Variants in AFF4 observed in about 807,000 individuals in gnomAD.
AFF4 encodes the protein AF4/FMR2 family member 4.
Under a neutral mutation model 124.8 loss-of-function variants are expected in AFF4, and 13 were observed. The observed-to-expected ratio is 0.10, with a 90% confidence interval of 0.07 to 0.17. AFF4 has a LOEUF of 0.17. Ranked by LOEUF, AFF4 falls within the 10% of genes least tolerant of loss-of-function variation. The pLI, the probability that AFF4 is intolerant of heterozygous loss-of-function variation, is 1.00. For missense variants in AFF4, 1,092 were observed against 1,403.8 expected (o/e 0.78, Z 3.55); for synonymous variants, 477 against 496.1 (o/e 0.96, Z 0.51).
chr5:132,876,519 G>GT lies in AFF4; in HGVS notation c.*4539dup. The GT allele has an allele frequency of 4.6e-6, 1 of 215,444 alleles. No homozygotes were observed. The allele number at this position is 215,444 out of a possible 1,614,324, so 13.3% of individuals were successfully genotyped here. A position where few individuals can be genotyped will look rare whatever the true frequency, so the allele number is the denominator to read the frequency against. Reference sequence around the variant, plus strand: ...AGAATGGCAAGTTATGTTTAGCTGAGTAACAGTGGCAAGGAGAGGTCAATG... The same window carrying GT: ...AGAATGGCAAGTTATGTTTAGCTGAGTTAACAGTGGCAAGGAGAGGTCAATG... On this transcript the variant is annotated 3_prime_UTR_variant, in exon 21 of 21. Coordinates refer to ENST00000265343, the MANE Select transcript of AFF4 (RefSeq NM_014423.4).
rs1759890977 is a variant in AFF4 at position 132,878,372 on chromosome 5, T to C, written c.*2687A>G. 2 of 230,714 alleles carry C rather than the reference T, an allele frequency of 8.7e-6. No homozygotes were observed. The highest frequency in any genetic ancestry group is 3.6e-4 in the South Asian group (2 of 5,512). The allele number at this position is 230,714 out of a possible 1,614,324, so 14.3% of individuals were successfully genotyped here. On this transcript the variant is annotated 3_prime_UTR_variant, in exon 21 of 21. Coordinates refer to ENST00000265343, the MANE Select transcript of AFF4 (RefSeq NM_014423.4). Reference sequence around the variant, plus strand: ...GTAACTGTTTAAAATAGTTGTTGTTTCTATAATTAACCATATACTAAGTAC... The same window carrying C: ...GTAACTGTTTAAAATAGTTGTTGTTCCTATAATTAACCATATACTAAGTAC...
At chr5:132,889,001 T>C in intron 14 of AFF4, 78 bp downstream of exon 14, 1 of 1,391,028 alleles carries the variant, frequency 7.2e-7, no homozygotes, top group African/African-American at 1.4e-5. Flanking sequence ...CGGCCAATGA[T>C]AGAAATGAAA....
intron 4 of AFF4, among the ~76,000 whole-genome samples, chr5:132,928,977 G>C (rs948441896): frequency 6.6e-6 from 1 of 152,078 alleles, no homozygotes; most frequent in African/African-American, 2.4e-5. Context: ...CAGCTCAAAG[G>C]CATAACATTA....
At position 132,918,111 on chromosome 5, in the gene AFF4, G is replaced by T. The variant is rs530971189; in HGVS notation, c.1050+9010C>A. 5.3e-5 allele frequency among the ~76,000 whole-genome samples: 8 copies of T among 152,090 alleles called. No individual in the cohort carries two copies. The Middle Eastern group carries it at 0.01, about 194-fold the overall frequency. ...TAATAGCACTAAAAAAATCAAACAG[G>T]GCCGGGTACTGTGGCTCATGCCTGT... On this transcript the variant is annotated intron_variant, in intron 5 of 20. Transcript: ENST00000265343.
chr5:132,883,276 A>G (rs891038447), intron 20 of AFF4, 64 bp downstream of exon 20: 3 of 1,472,828 alleles, frequency 2.0e-6, no homozygotes, highest in African/African-American at 2.8e-5. Flanking sequence ...CGCTTACTTA[A>G]CTAAATTATA....
At position 132,927,176 on chromosome 5, in the gene AFF4, G is replaced by T; in HGVS notation, c.995C>A (p.Thr332Lys). 1.2e-6 allele frequency: 2 copies of T among 1,611,158 alleles called. No homozygotes were observed. The highest frequency in any genetic ancestry group is 1.7e-6 in the Non-Finnish European group (2 of 1,179,080). ...TGTTTTGCATGGTGTATGAATAGCC[G>T]TTAGAGGGGGAGGCCATGAATGCGT... Reference protein sequence around the residue: ...EMTHSWPPPLTAIHTPCKTEP... With the variant: ...EMTHSWPPPLKAIHTPCKTEP... Residue 332 changes from threonine to lysine, a missense_variant, in exon 5 of 21, where the codon ACG (threonine) becomes AAG (lysine). This residue lies in a region of AFF4 where 148 missense variants were observed against 196.3 expected (regional missense o/e 0.75). Transcript: ENST00000265343.
At chr5:132,927,369 A>G in intron 4 of AFF4, 162 bp from the exon 5 acceptor site, 1 of 580,792 alleles carries the variant, frequency 1.7e-6, no homozygotes, top group Non-Finnish European at 3.0e-6. Context: ...GCTAGGCACT[A>G]TGGTGTAGGT....
At position 132,934,623 on chromosome 5, in the gene AFF4, C is replaced by T. The variant is rs375148631; in HGVS notation, c.442G>A (p.Gly148Ser). Reference protein sequence around the residue: ...AGSSSGTNSSGQRHDRESYNN... With the variant: ...AGSSSGTNSSSQRHDRESYNN... ...TATGACTCACGGTCGTGCCTCTGACCACTACTGTTAGTGCCACTACTGCTA... is the reference window on the plus strand; with the variant it reads ...TATGACTCACGGTCGTGCCTCTGACTACTACTGTTAGTGCCACTACTGCTA... The change falls in exon 3 of 21, where the codon GGT (glycine) becomes AGT (serine). Residue 148 changes from glycine to serine, a missense_variant. Physicochemically the swap from Gly to Ser is moderately conservative, Grantham distance 56 (BLOSUM62 0). Around this residue, in one of 11 missense-constraint regions of AFF4, gnomAD observed 188 missense variants for 203.0 expected, o/e 0.93. Transcript: ENST00000265343. 1.2e-6 allele frequency: 2 copies of T among 1,614,096 alleles called. No individual in the cohort carries two copies. Among genetic ancestry groups the T allele is most frequent in the Non-Finnish European group, 1.7e-6 (2 of 1,180,030 alleles).
At chr5:132,947,069 T>C (rs1761716619) in intron 1 of AFF4, among the ~76,000 whole-genome samples, 1 of 152,012 alleles carries the variant, frequency 6.6e-6, no homozygotes, top group Non-Finnish European at 1.5e-5. Context: ...ATTAAATAAG[T>C]ATATAAAACA....
rs1216676781 is a variant in AFF4 at position 132,878,878 on chromosome 5, T to C, written c.*2181A>G. 4.5e-6 allele frequency: 1 copy of C among 223,218 alleles called. No homozygotes were observed. The highest frequency in any genetic ancestry group is 2.2e-5 in the African/African-American group (1 of 44,768). 13.8% of individuals were successfully genotyped at this position (223,218 alleles called of 1,614,324 possible). A position where few individuals can be genotyped will look rare whatever the true frequency, so the allele number is the denominator to read the frequency against. ...TCCCACTGGCTGTTGTTGCTGAAAGTCTGAAAGCCCAGAGGATACTTTTTC... is the reference window on the plus strand; with the variant it reads ...TCCCACTGGCTGTTGTTGCTGAAAGCCTGAAAGCCCAGAGGATACTTTTTC... On this transcript the variant is annotated 3_prime_UTR_variant, in exon 21 of 21. Coordinates refer to ENST00000265343, the MANE Select transcript of AFF4 (RefSeq NM_014423.4).
At chr5:132,914,218 A>G (rs1168298407) in intron 5 of AFF4, among the ~76,000 whole-genome samples, 1 of 150,170 alleles carries the variant, frequency 6.7e-6, no homozygotes, top group East Asian at 1.9e-4. Context: ...ACGGAGCAAG[A>G]CTCCATCTAA....
intron 12 of AFF4, 109 bp from the exon 13 acceptor site, chr5:132,892,513 G>C (rs1415776021): frequency 2.1e-6 from 3 of 1,410,810 alleles, no homozygotes; most frequent in Non-Finnish European, 2.9e-6. Flanking sequence ...TTCCCCATTT[G>C]ATTACTAGGA....
intron 1 of AFF4, among the ~76,000 whole-genome samples, chr5:132,952,336 A>C (rs1432037302): frequency 6.6e-6 from 1 of 152,206 alleles, no homozygotes; most frequent in Admixed American, 6.5e-5. Flanking sequence ...TTCTTTACCA[A>C]GATCATTAGC....
Position 132,880,635 on chromosome 5 carries a change from G to T in AFF4, c.*424C>A. On this transcript the variant is annotated 3_prime_UTR_variant, in exon 21 of 21. Transcript: ENST00000265343. ...GATATTAGGTAATAAAGCTCCCAAGGTATATAAATAAAAATGTCTACATTA... is the reference window on the plus strand; with the variant it reads ...GATATTAGGTAATAAAGCTCCCAAGTTATATAAATAAAAATGTCTACATTA... 2 of 331,334 alleles carry T rather than the reference G, an allele frequency of 6.0e-6. No individual in the cohort carries two copies. Among genetic ancestry groups the T allele is most frequent in the Non-Finnish European group, 1.1e-5 (2 of 184,476 alleles). The allele number at this position is 331,334 out of a possible 1,614,324, so 20.5% of individuals were successfully genotyped here.
At chr5:132,912,851 C>CA (rs1244603612) in intron 5 of AFF4, among the ~76,000 whole-genome samples, 2 of 143,308 alleles carry the variant, frequency 1.4e-5, no homozygotes, top group African/African-American at 2.7e-5. Flanking sequence ...CTGACACACA[C>CA]ACAACACACA....
intron 5 of AFF4, among the ~76,000 whole-genome samples, chr5:132,906,616 G>A (rs1245986183): frequency 2.0e-5 from 3 of 152,146 alleles, no homozygotes; most frequent in African/African-American, 7.2e-5. Flanking sequence ...AAGGTAGAGG[G>A]AAAGAGGGAT....
At chr5:132,955,213 T>C (rs961136725) in intron 1 of AFF4, among the ~76,000 whole-genome samples, 2 of 152,104 alleles carry the variant, frequency 1.3e-5, no homozygotes, top group Non-Finnish European at 2.9e-5. Flanking sequence ...CCTCTGCTAG[T>C]GGAGCTTGGA....
intron 5 of AFF4, among the ~76,000 whole-genome samples, chr5:132,914,247 A>T (rs1350443016): frequency 6.6e-6 from 1 of 151,264 alleles, no homozygotes; most frequent in Non-Finnish European, 1.5e-5. Flanking sequence ...AAATAAATAA[A>T]ATAAGAAAAT....
At position 132,876,450 on chromosome 5, in the gene AFF4, C is replaced by T; in HGVS notation, c.*4609G>A. 4.5e-6 allele frequency: 1 copy of T among 223,526 alleles called. No individual in the cohort carries two copies. The highest frequency in any genetic ancestry group is 8.9e-6 in the Non-Finnish European group (1 of 111,856). The allele number at this position is 223,526 out of a possible 1,614,324, so 13.8% of individuals were successfully genotyped here. A position where few individuals can be genotyped will look rare whatever the true frequency, so the allele number is the denominator to read the frequency against. On this transcript the variant is annotated 3_prime_UTR_variant, in exon 21 of 21. Transcript: ENST00000265343. The stretch of plus-strand genomic sequence containing the variant: ...ACATGGAAGCAGTAAGAGGTCAAAA[C>T]TGAGTATCACTAGAGTTTCTGGGTG...
Sources: gnomAD v4.1 joint callset for allele counts (sites outside exome capture counted in the v4.1 genomes callset) on GRCh38, gnomAD v4.1.1 for gene constraint, gnomAD v4.1.1 regional missense constraint, MANE v1.5 for transcripts, NCBI Gene and HGNC (gene_info 2026-07-23, HGNC 2026-07-21) for gene names.